The following NEK10 variants were observed in gnomAD, a reference collection of about 807,000 sequenced individuals.
The protein encoded by NEK10 is serine/threonine-protein kinase Nek10.
NEK10 carries 122 observed loss-of-function variants against 159.8 expected under a neutral mutation model. The ratio of observed to expected loss-of-function variants is 0.76; its 90% CI spans 0.66 to 0.89. The LOEUF (loss-of-function observed/expected upper bound fraction) is 0.89, where lower values mean the gene tolerates loss of function less well. NEK10 is among the 40% of genes least tolerant of loss of function. The probability of loss-of-function intolerance (pLI) is 0.00; values close to 1 mark genes in which losing one functional copy is unlikely to be tolerated. For synonymous variants in NEK10, 466 were observed against 457.1 expected, an observed-to-expected ratio of 1.02 and a Z score of -0.25; for missense variants, 1,342 against 1,323.1, an observed-to-expected ratio of 1.01 and a Z score of -0.22.
intron 11 of NEK10, among the ~76,000 whole-genome samples, chr3:27,305,986 G>T (rs1469652923): frequency 6.6e-6 from 1 of 152,044 alleles, no homozygotes; most frequent in Non-Finnish European, 1.5e-5. Flanking sequence ...AGAAGTTTTA[G>T]CCACATGGAT....
At chr3:27,342,563 G>A (rs1016756895) in intron 5 of NEK10, among the ~76,000 whole-genome samples, 2 of 152,170 alleles carry the variant, frequency 1.3e-5, no homozygotes, top group Admixed American at 6.5e-5. Context: ...AAGACTTCCA[G>A]GTACTGCTCA....
intron 3 of NEK10, among the ~76,000 whole-genome samples, chr3:27,352,134 T>C (rs1368610201): frequency 6.6e-6 from 1 of 152,032 alleles, no homozygotes; most frequent in Non-Finnish European, 1.5e-5. Flanking sequence ...AAAATAACAA[T>C]TTCCCTAAAG....
At position 27,276,457 on chromosome 3, in the gene NEK10, G is replaced by C. The variant is rs1167901947; in HGVS notation, c.2014+8145C>G. Among the ~76,000 whole-genome samples, 6 of 152,260 alleles carry C rather than the reference G, an allele frequency of 3.9e-5. No homozygotes were observed. The South Asian group carries it at 1.2e-3, about 32-fold the overall frequency. ...TCCCAGAGGCATACAGCCACATCCTGTTCAGGAAAGTGCAATCTGTCCCAG... is the reference window on the plus strand; with the variant it reads ...TCCCAGAGGCATACAGCCACATCCTCTTCAGGAAAGTGCAATCTGTCCCAG... On this transcript the variant is annotated intron_variant, in intron 22 of 35. Transcript: ENST00000691995.
chr3:27,118,404 A>G (rs1940802785), intron 33 of NEK10, among the ~76,000 whole-genome samples: 1 of 152,260 alleles, frequency 6.6e-6, no homozygotes, highest in Admixed American at 6.5e-5. Context: ...CAACACTGAC[A>G]TGTAGAGGCC....
Position 27,366,807 on chromosome 3 carries a change from ATT to A in NEK10, c.-38+2416_-38+2417del, listed in dbSNP as rs3060370. ...CACAGCTCTAGACTTCAGTGTGTTC[ATT>A]TTTTTTTTTTTTTTTTTTTGAGACG... is the stretch of plus-strand genomic sequence containing the variant. On this transcript the variant is annotated intron_variant, in intron 1 of 35. Coordinates refer to ENST00000691995, the MANE Select transcript of NEK10 (RefSeq NM_001394966.1). Among the ~76,000 whole-genome samples the A allele has an allele frequency of 5.8e-3, 637 of 109,492 alleles. 2 individuals carry two copies. The highest frequency in any genetic ancestry group is 0.017 in the African/African-American group (491 of 28,608). 71.8% of individuals were successfully genotyped at this position (109,492 alleles called of 152,430 possible). A position where few individuals can be genotyped will look rare whatever the true frequency, so the allele number is the denominator to read the frequency against.
At chr3:27,253,348 G>A (rs1031968911) in intron 23 of NEK10, among the ~76,000 whole-genome samples, 5 of 152,104 alleles carry the variant, frequency 3.3e-5, no homozygotes, top group African/African-American at 1.2e-4. Flanking sequence ...CCCAAAAAAT[G>A]AAGTTGAAGA....
At chr3:27,171,390 T>C (rs894633212) in intron 29 of NEK10, among the ~76,000 whole-genome samples, 1 of 152,186 alleles carries the variant, frequency 6.6e-6, no homozygotes, top group Non-Finnish European at 1.5e-5. Flanking sequence ...GAGGGGTGTC[T>C]CTACTTCCCC....
chr3:27,150,095 G>T (rs1405902327), intron 30 of NEK10, among the ~76,000 whole-genome samples: 1 of 152,212 alleles, frequency 6.6e-6, no homozygotes, highest in African/African-American at 2.4e-5. Context: ...AGAGGTGAGA[G>T]AGCTGCAGAA....
chr3:27,344,673 A>G (rs1365301795), intron 4 of NEK10, among the ~76,000 whole-genome samples: 1 of 152,218 alleles, frequency 6.6e-6, no homozygotes, highest in Non-Finnish European at 1.5e-5. Flanking sequence ...AATGGCTAAA[A>G]TTGGTTGGAG....
chr3:27,257,955 A>AT (rs908699188), intron 22 of NEK10, among the ~76,000 whole-genome samples: 80 of 151,432 alleles, frequency 5.3e-4, no homozygotes, highest in Non-Finnish European at 6.9e-4. Context: ...CGTCCAGCTA[A>AT]TTTTTTTATT....
intron 23 of NEK10, among the ~76,000 whole-genome samples, chr3:27,219,266 G>A (rs961802103): frequency 6.6e-6 from 1 of 152,196 alleles, no homozygotes; most frequent in African/African-American, 2.4e-5. Flanking sequence ...AGGCACCTGG[G>A]TCCAAACTAC....
At chr3:27,201,416 T>C in intron 25 of NEK10, 94 bp downstream of exon 25, 1 of 1,071,444 alleles carries the variant, frequency 9.3e-7, no homozygotes, top group Non-Finnish European at 1.4e-6. Flanking sequence ...GGACTCTTTC[T>C]CTTCATGACC....
In NEK10 at chr3:27,291,490, T is replaced by C. The variant is rs1481534168; in HGVS notation, c.1470A>G (p.Leu490=). Residue 490 remains leucine (L), a synonymous_variant, in exon 17 of 36, where the codon TTA becomes TTG. Coordinates refer to ENST00000691995, the MANE Select transcript of NEK10 (RefSeq NM_001394966.1). ...AYEELVSKLN[L]LVEDELKQIA... ...TTGAAAACTCAGGACTTACCACTAA[T>C]AAATTCAGCTTGGATACCAATTCTT... 6.2e-7 allele frequency: 1 copy of C among 1,607,040 alleles called. No homozygotes were observed. The highest frequency in any genetic ancestry group is 1.1e-5 in the South Asian group (1 of 90,932).
chr3:27,111,480 C>A (rs528276962), intron 35 of NEK10, among the ~76,000 whole-genome samples, 160 bp from the exon 36 acceptor site: 6 of 152,238 alleles, frequency 3.9e-5, no homozygotes, highest in African/African-American at 1.4e-4. Context: ...AAAAAGCTGC[C>A]TTTGGCTGAA....
intron 29 of NEK10, among the ~76,000 whole-genome samples, chr3:27,165,998 T>C (rs746784378): frequency 5.9e-5 from 9 of 152,160 alleles, no homozygotes; most frequent in Non-Finnish European, 1.3e-4. Context: ...TTAATTCAAT[T>C]GTGAAAAGTA....
At chr3:27,341,515 G>T (rs1311705138) in intron 5 of NEK10, among the ~76,000 whole-genome samples, 2 of 152,022 alleles carry the variant, frequency 1.3e-5, no homozygotes, top group Non-Finnish European at 2.9e-5. Context: ...ATTATAAAAG[G>T]ATTTTTTTAA....
chr3:27,223,215 T>A (rs1393955967), intron 23 of NEK10, among the ~76,000 whole-genome samples: 2 of 152,152 alleles, frequency 1.3e-5, no homozygotes, highest in Non-Finnish European at 2.9e-5. Context: ...TCTCACATCT[T>A]TATCCTCTTC....
At chr3:27,362,116 T>C (rs905659836) in intron 1 of NEK10, among the ~76,000 whole-genome samples, 2 of 152,142 alleles carry the variant, frequency 1.3e-5, no homozygotes, top group African/African-American at 2.4e-5. Context: ...GGAAAGATTA[T>C]AGAAAGATTT....
At chr3:27,352,167 G>A (rs972146679) in intron 3 of NEK10, among the ~76,000 whole-genome samples, 5 of 152,110 alleles carry the variant, frequency 3.3e-5, no homozygotes, top group African/African-American at 7.2e-5. Flanking sequence ...AAGGTTGGCC[G>A]TTCAGTAAAA....
Sources: gnomAD v4.1 joint callset for allele counts (sites outside exome capture counted in the v4.1 genomes callset) on GRCh38, gnomAD v4.1.1 for gene constraint, MANE v1.5 for transcripts, NCBI Gene and HGNC (gene_info 2026-07-23, HGNC 2026-07-21) for gene names.